The following PIBF1 variants were observed in gnomAD, a reference collection of about 807,000 sequenced individuals.
PIBF1 encodes progesterone-induced-blocking factor 1.
PIBF1 carries 90 observed loss-of-function variants against 112.5 expected under a neutral mutation model. The observed-to-expected ratio is 0.80, with a 90% CI of 0.67 to 0.95. PIBF1 has a LOEUF of 0.95. PIBF1 is among the 40% of genes least tolerant of loss of function. The pLI, the probability that PIBF1 is intolerant of heterozygous loss-of-function variation, is 0.00. For synonymous variants in PIBF1, 301 were observed against 288.6 expected, an observed-to-expected ratio of 1.04 and a Z score of -0.44; for missense variants, 915 against 852.3, an observed-to-expected ratio of 1.07 and a Z score of -0.92.
chr13:73,002,600 CATT>C (rs1487886825), intron 17 of PIBF1, among the ~76,000 whole-genome samples: 2 of 152,168 alleles, frequency 1.3e-5, no homozygotes, highest in Non-Finnish European at 2.9e-5. Flanking sequence ...GGATTCACAT[CATT>C]GTCATTATTT....
chr13:72,949,776 CTGTT>C (rs1279470550), intron 14 of PIBF1, among the ~76,000 whole-genome samples: 1 of 152,000 alleles, frequency 6.6e-6, no homozygotes, highest in East Asian at 1.9e-4. Context: ...CTATTCTGTT[CTGTT>C]TCTTTTTTTA....
chr13:72,870,859 C>G (rs1449752287), intron 10 of PIBF1, among the ~76,000 whole-genome samples: 1 of 151,464 alleles, frequency 6.6e-6, no homozygotes, highest in Non-Finnish European at 1.5e-5. Flanking sequence ...ATTCATTCAC[C>G]TGATTCAGAG....
chr13:72,888,284 TGGG>T (rs1206615632), intron 10 of PIBF1, among the ~76,000 whole-genome samples: 5 of 152,086 alleles, frequency 3.3e-5, no homozygotes, highest in South Asian at 2.1e-4. Flanking sequence ...AAGATAATAT[TGGG>T]GGAAGGAGAG....
At chr13:72,918,946 C>T (rs1191648882) in intron 13 of PIBF1, among the ~76,000 whole-genome samples, 1 of 152,110 alleles carries the variant, frequency 6.6e-6, no homozygotes, top group Non-Finnish European at 1.5e-5. Flanking sequence ...TCAAGTGATC[C>T]ACCCACCTCG....
intron 9 of PIBF1, among the ~76,000 whole-genome samples, chr13:72,838,300 A>G (rs893256028): frequency 1.3e-5 from 2 of 152,234 alleles, no homozygotes; most frequent in African/African-American, 4.8e-5. Context: ...ATGATGGACA[A>G]AATGATAGGA....
intron 2 of PIBF1, among the ~76,000 whole-genome samples, chr13:72,788,337 C>G (rs981062383): frequency 6.6e-6 from 1 of 152,132 alleles, no homozygotes; most frequent in African/African-American, 2.4e-5. Flanking sequence ...ATACCAGAGA[C>G]TTGAAAAATG....
intron 16 of PIBF1, among the ~76,000 whole-genome samples, chr13:72,978,012 A>G (rs1566511144): frequency 6.6e-6 from 1 of 152,210 alleles, no homozygotes; most frequent in Non-Finnish European, 1.5e-5. Flanking sequence ...GATTTACACA[A>G]CAAATACTAA....
At chr13:72,928,421 G>C (rs186938567) in intron 13 of PIBF1, among the ~76,000 whole-genome samples, 17 of 152,006 alleles carry the variant, frequency 1.1e-4, no homozygotes, top group African/African-American at 4.1e-4. Context: ...TGGTGTTAAG[G>C]CTTAAGCACT....
At chr13:72,849,653 G>T (rs1481977009) in intron 9 of PIBF1, among the ~76,000 whole-genome samples, 1 of 152,160 alleles carries the variant, frequency 6.6e-6, no homozygotes, top group African/African-American at 2.4e-5. Context: ...ATCTATTGGT[G>T]CCTTGAGGTG....
chr13:72,827,596 A>T (rs1182247129), intron 7 of PIBF1, 137 bp from the exon 8 acceptor site: 2 of 481,320 alleles, frequency 4.2e-6, no homozygotes, highest in Non-Finnish European at 7.2e-6. Flanking sequence ...AAAAAGTTGC[A>T]TGCTAAGAAT....
intron 14 of PIBF1, among the ~76,000 whole-genome samples, chr13:72,932,478 T>C (rs1172675621): frequency 6.6e-6 from 1 of 152,138 alleles, no homozygotes; most frequent in African/African-American, 2.4e-5. Context: ...AGTTAATGCT[T>C]GGGGTTGACA....
At chr13:72,916,714 G>C (rs1423199131) in intron 12 of PIBF1, among the ~76,000 whole-genome samples, 1 of 151,882 alleles carries the variant, frequency 6.6e-6, no homozygotes, top group Admixed American at 6.6e-5. Flanking sequence ...CATTTATCAA[G>C]AACAGAATTG....
At chr13:72,935,999 A>G (rs1319308209) in intron 14 of PIBF1, among the ~76,000 whole-genome samples, 2 of 148,856 alleles carry the variant, frequency 1.3e-5, no homozygotes, top group African/African-American at 4.9e-5. Flanking sequence ...TCACCTCTTA[A>G]TGATGTCTTT....
At chr13:72,976,609 A>G (rs1471494990) in intron 16 of PIBF1, among the ~76,000 whole-genome samples, 1 of 152,284 alleles carries the variant, frequency 6.6e-6, no homozygotes, top group African/African-American at 2.4e-5. Context: ...ATTAAAGCTT[A>G]GTAAAACAAA....
intron 7 of PIBF1, among the ~76,000 whole-genome samples, chr13:72,827,421 A>G: frequency 6.6e-6 from 1 of 151,488 alleles, no homozygotes; most frequent in Non-Finnish European, 1.5e-5. Flanking sequence ...ACTAATTTTT[A>G]CATTTTTAGT....
intron 16 of PIBF1, chr13:72,973,992 G>A (rs2042962115): frequency 1.1e-5 from 4 of 353,448 alleles, no homozygotes; most frequent in Non-Finnish European, 2.0e-5. Flanking sequence ...CTTTATCAAT[G>A]TATGCCCAGT....
intron 14 of PIBF1, among the ~76,000 whole-genome samples, chr13:72,961,119 A>G (rs1366052102): frequency 2.7e-5 from 4 of 150,312 alleles, no homozygotes; most frequent in African/African-American, 7.4e-5. Context: ...TGTACAATTT[A>G]GATGAATAAA....
At chr13:72,941,323 G>A (rs1289427712) in intron 14 of PIBF1, among the ~76,000 whole-genome samples, 1 of 152,138 alleles carries the variant, frequency 6.6e-6, no homozygotes, top group East Asian at 1.9e-4. Context: ...GTGTCAGTGT[G>A]GAGTTTGTTA....
intron 9 of PIBF1, 97 bp from the exon 10 acceptor site, chr13:72,853,960 C>A: frequency 2.1e-6 from 2 of 934,438 alleles, no homozygotes; most frequent in Non-Finnish European, 1.7e-6. Flanking sequence ...CCCAACTTCT[C>A]AGATGGGTCC....
Sources: gnomAD v4.1 joint callset for allele counts (sites outside exome capture counted in the v4.1 genomes callset) on GRCh38, gnomAD v4.1.1 for gene constraint, MANE v1.5 for transcripts, NCBI Gene and HGNC (gene_info 2026-07-23, HGNC 2026-07-21) for gene names.